Variants in GRM1 observed in about 807,000 individuals in gnomAD.
GRM1 encodes glutamate metabotropic receptor 1.
In GRM1, 33 loss-of-function variants were observed where a neutral mutation model predicts 90.9. The observed-to-expected ratio is 0.36, with a 90% CI of 0.28 to 0.49. The LOEUF (loss-of-function observed/expected upper bound fraction) is 0.49. Ranked by LOEUF, GRM1 falls within the 20% of genes least tolerant of loss-of-function variation. GRM1 has a pLI of 0.99. For synonymous variants in GRM1, 700 were observed against 613.2 expected (o/e 1.14, Z -2.09); for missense variants, 1,190 against 1,534.3 (o/e 0.78, Z 3.75).
intron 2 of GRM1, among the ~76,000 whole-genome samples, chr6:146,216,650 C>T (rs1237223308): frequency 1.3e-5 from 2 of 152,158 alleles, no homozygotes; most frequent in Admixed American, 6.5e-5. Context: ...CAAACTGTGG[C>T]TCGAAGGGGC....
intron 5 of GRM1, among the ~76,000 whole-genome samples, chr6:146,376,399 A>C (rs967962288): frequency 6.6e-6 from 1 of 151,968 alleles, no homozygotes; most frequent in African/African-American, 2.4e-5. Flanking sequence ...TTTATTGTTC[A>C]TTAATGTTCT....
intron 1 of GRM1, among the ~76,000 whole-genome samples, chr6:146,068,262 C>A (rs564837623): frequency 6.6e-6 from 1 of 151,958 alleles, no homozygotes; most frequent in Non-Finnish European, 1.5e-5. Context: ...TACAGGCGCC[C>A]GCCACCTCGC....
chr6:146,327,479 A>G (rs1784434446), intron 3 of GRM1, among the ~76,000 whole-genome samples: 1 of 152,186 alleles, frequency 6.6e-6, no homozygotes, highest in Admixed American at 6.5e-5. Context: ...ACCTCCTCAT[A>G]CAGCCTTCAA....
intron 1 of GRM1, among the ~76,000 whole-genome samples, chr6:146,072,289 G>A (rs117728661): frequency 0.022 from 3,276 of 152,184 alleles, 59 homozygotes; most frequent in Non-Finnish European, 0.034. Flanking sequence ...TAGGGCATCT[G>A]AGCTGTAACA....
chr6:146,331,938 T>G (rs1254707587), intron 3 of GRM1, among the ~76,000 whole-genome samples: 1 of 152,158 alleles, frequency 6.6e-6, no homozygotes, highest in African/African-American at 2.4e-5. Context: ...TGTGATAGTT[T>G]GGGAATCCGA....
chr6:146,063,224 A>G (rs1326703043), intron 1 of GRM1, among the ~76,000 whole-genome samples: 1 of 152,226 alleles, frequency 6.6e-6, no homozygotes, highest in Non-Finnish European at 1.5e-5. Flanking sequence ...AACAAGTTTT[A>G]GTTTATCTTC....
chr6:146,051,809 T>A (rs977823173), intron 1 of GRM1, among the ~76,000 whole-genome samples: 5 of 152,086 alleles, frequency 3.3e-5, no homozygotes, highest in African/African-American at 1.2e-4. Flanking sequence ...TCATCATCAC[T>A]ACTGTTTCCC....
At chr6:146,184,276 TA>T (rs1317529093) in intron 2 of GRM1, among the ~76,000 whole-genome samples, 1 of 152,172 alleles carries the variant, frequency 6.6e-6, no homozygotes, top group Non-Finnish European at 1.5e-5. Context: ...TCATTTCACT[TA>T]ATTTCCCTCC....
chr6:146,149,488 A>G (rs917503397), intron 1 of GRM1, among the ~76,000 whole-genome samples: 21 of 152,202 alleles, frequency 1.4e-4, no homozygotes, highest in Admixed American at 1.2e-3. Context: ...GTTCTGGGAA[A>G]TTTAAAGTTA....
intron 1 of GRM1, among the ~76,000 whole-genome samples, chr6:146,052,402 C>G (rs1775324501): frequency 6.6e-6 from 1 of 151,988 alleles, no homozygotes. Context: ...ATGCCCAGCC[C>G]CAGCCGTGGA....
At chr6:146,254,729 A>G (rs771508522) in intron 2 of GRM1, among the ~76,000 whole-genome samples, 41 of 152,216 alleles carry the variant, frequency 2.7e-4, no homozygotes, top group Admixed American at 1.6e-3. Context: ...TGAATGGTTT[A>G]CAATCTACAG....
At chr6:146,110,619 C>A (rs1775523190) in intron 1 of GRM1, among the ~76,000 whole-genome samples, 1 of 152,204 alleles carries the variant, frequency 6.6e-6, no homozygotes, top group Non-Finnish European at 1.5e-5. Context: ...TCAGAAGACC[C>A]ACTTTCCAAG....
At chr6:146,060,384 A>T (rs546255020) in intron 1 of GRM1, among the ~76,000 whole-genome samples, 1 of 151,906 alleles carries the variant, frequency 6.6e-6, no homozygotes, top group South Asian at 2.1e-4. Context: ...TAGTCTTTTG[A>T]TCCTCACCCT....
At chr6:146,107,656 T>C (rs1025611750) in intron 1 of GRM1, among the ~76,000 whole-genome samples, 3 of 152,246 alleles carry the variant, frequency 2.0e-5, no homozygotes, top group African/African-American at 7.2e-5. Flanking sequence ...TGCATTTATC[T>C]CATAAACCAG....
rs1778563423 is a variant in GRM1, at chr6:146,435,327, G to C, written c.*531G>C. 1 of 202,622 alleles carries C rather than the reference G, an allele frequency of 4.9e-6. No homozygotes were observed. Among genetic ancestry groups the C allele is most frequent in the Non-Finnish European group, 1.0e-5 (1 of 99,148 alleles). 12.6% of individuals were successfully genotyped at this position (202,622 alleles called of 1,614,324 possible). On this transcript the variant is annotated 3_prime_UTR_variant, in exon 8 of 8. Coordinates refer to ENST00000282753, the MANE Select transcript of GRM1 (RefSeq NM_001278064.2). ...ATCCCAAACGGATGATGGGATGATG[G>C]GACAGCAGCTCCTTGCTCAGAAGCC...
intron 2 of GRM1, among the ~76,000 whole-genome samples, chr6:146,206,094 G>T (rs530515552): frequency 6.6e-6 from 1 of 152,244 alleles, no homozygotes; most frequent in South Asian, 2.1e-4. Flanking sequence ...TGGTCAGCAT[G>T]GTTTCCTATA....
chr6:146,177,137 A>C (rs1778366154), intron 2 of GRM1, among the ~76,000 whole-genome samples: 1 of 152,104 alleles, frequency 6.6e-6, no homozygotes, highest in Admixed American at 6.5e-5. Context: ...TTTTCCTAAC[A>C]GAGGACCAGG....
chr6:146,155,295 T>G (rs973677424), intron 1 of GRM1, among the ~76,000 whole-genome samples: 3 of 152,236 alleles, frequency 2.0e-5, no homozygotes, highest in Non-Finnish European at 4.4e-5. Flanking sequence ...TCTCTATGTT[T>G]AGATACACAA....
At chr6:146,427,415 T>C (rs1778249767) in intron 7 of GRM1, among the ~76,000 whole-genome samples, 2 of 152,238 alleles carry the variant, frequency 1.3e-5, no homozygotes, top group Admixed American at 6.5e-5. Context: ...TTCAAACTCC[T>C]TGGAGAGTCA....
Sources: gnomAD v4.1 joint callset for allele counts (sites outside exome capture counted in the v4.1 genomes callset) on GRCh38, gnomAD v4.1.1 for gene constraint, MANE v1.5 for transcripts, NCBI Gene and HGNC (gene_info 2026-07-23, HGNC 2026-07-21) for gene names.